The following SNX16 variants were observed in gnomAD, a reference collection of about 807,000 sequenced individuals.
SNX16 encodes sorting nexin 16.
Under a neutral mutation model 36.7 loss-of-function variants are expected in SNX16, and 35 were observed. The observed-to-expected ratio is 0.95, with a 90% CI of 0.73 to 1.27. The LOEUF is 1.27. Ranked by LOEUF, SNX16 falls within the 50% of genes most tolerant of loss-of-function variation. The pLI is 0.00. For missense variants in SNX16, 367 were observed against 393.6 expected, an observed-to-expected ratio of 0.93 and a Z score of 0.57; for synonymous variants, 134 against 132.0, an observed-to-expected ratio of 1.02 and a Z score of -0.10.
At chr8:81,834,028 G>T (rs1811383652) in intron 2 of SNX16, among the ~76,000 whole-genome samples, 1 of 152,198 alleles carries the variant, frequency 6.6e-6, no homozygotes, top group Non-Finnish European at 1.5e-5. Context: ...TACTATGAGT[G>T]TATTAGTCCA....
At chr8:81,840,700 A>G (rs941259582) in intron 1 of SNX16, among the ~76,000 whole-genome samples, 10 of 152,214 alleles carry the variant, frequency 6.6e-5, no homozygotes, top group African/African-American at 9.6e-5. Context: ...ACTTATATGC[A>G]ACAAAATTAA....
Position 81,823,844 on chromosome 8 carries a change from C to T in SNX16, c.559G>A (p.Gly187Arg). The change falls in exon 4 of 8, where the codon GGA becomes AGA. Residue 187 changes from glycine to arginine, a missense_variant. Physicochemically the swap from Gly to Arg is moderately radical, Grantham distance 125. Transcript: ENST00000345957. ...NADFLEDRQL[G>R]LQAFLQNLVA... The stretch of plus-strand genomic sequence containing the variant: ...AAATTTTGAAGAAACGCTTGTAATC[C>T]TAATTGTCTGTCTTCTAAAAAGTCA... 1 of 1,611,706 alleles carries T rather than the reference C, an allele frequency of 6.2e-7. No individual in the cohort carries two copies.
At chr8:81,807,518 C>CAAAAAAAAAAAAAAA (rs71268027) in intron 5 of SNX16, among the ~76,000 whole-genome samples, 5 of 49,300 alleles carry the variant, frequency 1.0e-4, no homozygotes, top group African/African-American at 1.5e-4. Flanking sequence ...GACTCTGTCT[C>CAAAAAAAAAAAAAAA]AAAAAAAAAA....
Position 81,815,504 on chromosome 8 carries a change from T to A in SNX16, c.612-110A>T, listed in dbSNP as rs892850112. On this transcript the variant is annotated intron_variant, in intron 4 of 7. Transcript: ENST00000345957. ...CAGTGTTTTAAACAAGTTGGTTATG[T>A]GTTTTCATACAAGTAACTAAATATA... 5.7e-5 allele frequency: 40 copies of A among 697,764 alleles called. No individual in the cohort carries two copies. In the African/African-American group the frequency reaches 6.8e-4, roughly 12 times the overall value. The allele number at this position is 697,764 out of a possible 1,614,324, so 43.2% of individuals were successfully genotyped here.
rs867087998 is a variant in SNX16, at chr8:81,813,356, T to C, written c.681+1969A>G. 6.6e-5 allele frequency among the ~76,000 whole-genome samples: 10 copies of C among 151,862 alleles called. No individual in the cohort carries two copies. In the South Asian group the frequency reaches 1.5e-3, roughly 22 times the overall value. On this transcript the variant is annotated intron_variant, in intron 5 of 7. Transcript: ENST00000345957. The stretch of plus-strand genomic sequence containing the variant: ...TTGATTTCTGACAGAAGTGTCAACA[T>C]AATTAAACAAAACGAACTAAAAAAA...
At chr8:81,804,039 A>T (rs1809827419) in intron 5 of SNX16, among the ~76,000 whole-genome samples, 1 of 151,992 alleles carries the variant, frequency 6.6e-6, no homozygotes, top group African/African-American at 2.4e-5. Flanking sequence ...CCAGGAAGAC[A>T]AATCAGTTTA....
chr8:81,826,679 C>T (rs1811035277), intron 3 of SNX16, among the ~76,000 whole-genome samples: 1 of 152,102 alleles, frequency 6.6e-6, no homozygotes, highest in Admixed American at 6.6e-5. Flanking sequence ...AAGTTGAAGT[C>T]AGACCATAAC....
At chr8:81,821,107 G>A (rs973117806) in intron 4 of SNX16, among the ~76,000 whole-genome samples, 3 of 136,864 alleles carry the variant, frequency 2.2e-5, no homozygotes, top group Non-Finnish European at 4.8e-5. Context: ...GCAAACAAAC[G>A]CAAGGCATAC....
intron 1 of SNX16, chr8:81,840,310 C>T: frequency 4.7e-6 from 1 of 210,938 alleles, no homozygotes; most frequent in Non-Finnish European, 9.5e-6. Context: ...TCCCTTTTTC[C>T]TCTACTTTAT....
chr8:81,810,662 G>A (rs1170945908), intron 5 of SNX16, among the ~76,000 whole-genome samples: 1 of 152,160 alleles, frequency 6.6e-6, no homozygotes, highest in Admixed American at 6.5e-5. Flanking sequence ...TTGCCTTGGT[G>A]ACTTATTTAA....
chr8:81,839,819 A>C lies in SNX16; in HGVS notation c.168T>G (p.Ser56Arg). Residue 56 changes from serine (S) to arginine (R), a missense_variant, in exon 2 of 8, where the codon AGT (serine) becomes AGG (arginine). Physicochemically the swap from Ser to Arg is moderately radical, Grantham distance 110 (BLOSUM62 -1). Transcript: ENST00000345957. ...AAGTATTATCCATTTGATCAGGAAC[A>C]CTTGTCTGTTTAAAATTACCCATAT... ...DSNMGNFKQTSVPDQMDNTSS... is the reference protein window; with the variant it reads ...DSNMGNFKQTRVPDQMDNTSS... The C allele has an allele frequency of 6.2e-7, 1 of 1,613,746 alleles. No individual in the cohort carries two copies. The highest frequency in any genetic ancestry group is 8.5e-7 in the Non-Finnish European group (1 of 1,179,668).
At chr8:81,806,214 A>G (rs1199533960) in intron 5 of SNX16, among the ~76,000 whole-genome samples, 1 of 152,218 alleles carries the variant, frequency 6.6e-6, no homozygotes, top group Non-Finnish European at 1.5e-5. Context: ...TAAAACTGGT[A>G]TAATTTTGAT....
chr8:81,822,925 T>G (rs1222457009), intron 4 of SNX16, among the ~76,000 whole-genome samples: 1 of 64,428 alleles, frequency 1.6e-5, no homozygotes, highest in Admixed American at 1.4e-4. Context: ...AAGCAAGATG[T>G]GTATATATAT....
chr8:81,805,914 C>CT (rs1809916742), intron 5 of SNX16, among the ~76,000 whole-genome samples: 1 of 150,648 alleles, frequency 6.6e-6, no homozygotes, highest in Admixed American at 6.7e-5. Context: ...GAGCAAGACT[C>CT]TTATCTCAAA....
intron 2 of SNX16, among the ~76,000 whole-genome samples, chr8:81,831,227 C>A (rs1387307790): frequency 1.3e-5 from 2 of 152,138 alleles, no homozygotes; most frequent in African/African-American, 4.8e-5. Context: ...TGACTAAGTT[C>A]TCAAAAGCAA....
intron 4 of SNX16, among the ~76,000 whole-genome samples, chr8:81,819,581 C>T (rs1026627151): frequency 6.6e-6 from 1 of 151,968 alleles, no homozygotes; most frequent in Admixed American, 6.6e-5. Flanking sequence ...TCTAACTATC[C>T]ATTATGATTT....
intron 4 of SNX16, among the ~76,000 whole-genome samples, chr8:81,820,932 C>G (rs780256082): frequency 6.6e-6 from 1 of 151,050 alleles, no homozygotes; most frequent in Non-Finnish European, 1.5e-5. Flanking sequence ...ACATTTTAAG[C>G]AATATGTTAT....
At chr8:81,824,148 A>T (rs1810902436) in intron 3 of SNX16, among the ~76,000 whole-genome samples, 3 of 152,176 alleles carry the variant, frequency 2.0e-5, no homozygotes, top group African/African-American at 4.8e-5. Flanking sequence ...CATCCTTGCC[A>T]GAACTTGGCA....
At chr8:81,808,229 T>C in intron 5 of SNX16, 1 of 1,284,606 alleles carries the variant, frequency 7.8e-7, no homozygotes, top group Non-Finnish European at 1.1e-6. Context: ...TTTGTAACCT[T>C]TCACGACCAT....
Sources: allele counts gnomAD v4.1 joint callset (sites outside exome capture counted in the v4.1 genomes callset), GRCh38; gene constraint gnomAD v4.1.1; transcripts MANE v1.5; gene names NCBI Gene and HGNC (gene_info 2026-07-23, HGNC 2026-07-21).